Variants in WNT3 observed in about 807,000 individuals in gnomAD.
WNT3 encodes the protein proto-oncogene Wnt-3.
In WNT3, 7 loss-of-function variants were observed where a neutral mutation model predicts 34.2. The observed-to-expected ratio is 0.20, with a 90% CI of 0.12 to 0.38. The LOEUF (loss-of-function observed/expected upper bound fraction) is 0.38, where lower values mean the gene tolerates loss of function less well. WNT3 is among the 10% of genes least tolerant of loss of function. WNT3 has a pLI of 1.00. For missense variants in WNT3, 267 were observed against 499.8 expected, an observed-to-expected ratio of 0.53 and a Z score of 4.44; for synonymous variants, 212 against 211.5, an observed-to-expected ratio of 1.00 and a Z score of -0.02.
intron 1 of WNT3, among the ~76,000 whole-genome samples, chr17:46,804,124 G>A (rs186526714): frequency 9.2e-5 from 14 of 152,068 alleles, no homozygotes; most frequent in African/African-American, 3.1e-4. Context: ...GTCTCACTCT[G>A]TTGCCCAGGC....
At chr17:46,798,287 C>A (rs2146437530) in intron 1 of WNT3, among the ~76,000 whole-genome samples, 1 of 152,262 alleles carries the variant, frequency 6.6e-6, no homozygotes, top group East Asian at 1.9e-4. Context: ...GTGGTCACAT[C>A]TAGAGGGAGA....
intron 4 of WNT3, among the ~76,000 whole-genome samples, chr17:46,766,069 C>A (rs1380083796): frequency 5.9e-5 from 9 of 152,232 alleles, no homozygotes; most frequent in Admixed American, 2.6e-4. Context: ...GGAAAAAAAA[C>A]ACTCATTGTC....
intron 1 of WNT3, among the ~76,000 whole-genome samples, chr17:46,782,997 A>C: frequency 6.6e-6 from 1 of 152,178 alleles, no homozygotes; most frequent in East Asian, 1.9e-4. Context: ...AAGGTGCCTC[A>C]GGGGGTGCCT....
chr17:46,811,725 C>A (rs868868924), intron 1 of WNT3, among the ~76,000 whole-genome samples: 1 of 152,126 alleles, frequency 6.6e-6, no homozygotes, highest in South Asian at 2.1e-4. Context: ...GAGGCCGAGG[C>A]GGGTGGATTA....
At chr17:46,778,779 C>T (rs1156948074) in intron 1 of WNT3, among the ~76,000 whole-genome samples, 1 of 151,950 alleles carries the variant, frequency 6.6e-6, no homozygotes, top group Non-Finnish European at 1.5e-5. Context: ...GCCCTCGGCT[C>T]GAAGCACCTC....
At chr17:46,774,284 C>G (rs900742709) in intron 1 of WNT3, among the ~76,000 whole-genome samples, 4 of 152,270 alleles carry the variant, frequency 2.6e-5, no homozygotes, top group African/African-American at 9.6e-5. Flanking sequence ...AGAGATCAGG[C>G]TGGGCAATTT....
chr17:46,814,762 C>T (rs2084319814), intron 1 of WNT3, among the ~76,000 whole-genome samples: 1 of 152,224 alleles, frequency 6.6e-6, no homozygotes, highest in Non-Finnish European at 1.5e-5. Flanking sequence ...CCACTGACCC[C>T]CACGGGGTTT....
chr17:46,788,836 C>T (rs960046727), intron 1 of WNT3, among the ~76,000 whole-genome samples: 1 of 152,210 alleles, frequency 6.6e-6, no homozygotes, highest in Non-Finnish European at 1.5e-5. Flanking sequence ...CCAGATCCCA[C>T]AGGCTGTCTC....
intron 1 of WNT3, among the ~76,000 whole-genome samples, chr17:46,802,269 TTTTA>T (rs901562522): frequency 6.6e-6 from 1 of 152,130 alleles, no homozygotes; most frequent in Non-Finnish European, 1.5e-5. Flanking sequence ...CTTTCTTTTC[TTTTA>T]TTTATTTATT....
chr17:46,816,310 C>T (rs2084345648), intron 1 of WNT3, among the ~76,000 whole-genome samples: 1 of 152,158 alleles, frequency 6.6e-6, no homozygotes, highest in Admixed American at 6.5e-5. Flanking sequence ...TGCTCACACT[C>T]GTGTGCAGAC....
At chr17:46,788,738 T>C (rs1598775662) in intron 1 of WNT3, among the ~76,000 whole-genome samples, 1 of 147,338 alleles carries the variant, frequency 6.8e-6, no homozygotes, top group East Asian at 2.0e-4. Context: ...GCAGTGGCCC[T>C]GCGAGGACCT....
chr17:46,772,499 G>T (rs963781349), intron 2 of WNT3, among the ~76,000 whole-genome samples: 8 of 152,354 alleles, frequency 5.3e-5, no homozygotes, highest in Middle Eastern at 3.4e-3. Flanking sequence ...ACCGGAAAGC[G>T]CTGAGACCAA....
At chr17:46,766,652 A>T (rs2059315961) in intron 4 of WNT3, among the ~76,000 whole-genome samples, 1 of 152,118 alleles carries the variant, frequency 6.6e-6, no homozygotes, top group South Asian at 2.1e-4. Context: ...AGATGGGCTG[A>T]GTGAGTCGCC....
At chr17:46,801,081 C>T (rs2084119156) in intron 1 of WNT3, among the ~76,000 whole-genome samples, 1 of 152,206 alleles carries the variant, frequency 6.6e-6, no homozygotes, top group African/African-American at 2.4e-5. Flanking sequence ...TATATCCTTT[C>T]ATCCTCACAA....
chr17:46,796,776 C>T (rs1314627775), intron 1 of WNT3, among the ~76,000 whole-genome samples: 1 of 152,198 alleles, frequency 6.6e-6, no homozygotes, highest in East Asian at 1.9e-4. Flanking sequence ...AGAGGGGGCT[C>T]AGCTGGATGG....
intron 1 of WNT3, among the ~76,000 whole-genome samples, chr17:46,787,233 G>A (rs1018986520): frequency 1.3e-4 from 19 of 147,180 alleles, no homozygotes; most frequent in Admixed American, 4.2e-4. Flanking sequence ...GAGCCAGCGT[G>A]CCCAGCCAAT....
chr17:46,767,370 T>A (rs923283774), intron 4 of WNT3, among the ~76,000 whole-genome samples: 1 of 152,190 alleles, frequency 6.6e-6, no homozygotes, highest in Non-Finnish European at 1.5e-5. Flanking sequence ...TGTCAGGATA[T>A]GGGCTTATAT....
chr17:46,767,271 C>T lies in WNT3; in HGVS notation c.*8+1041G>A, dbSNP rs535281357. Among the ~76,000 whole-genome samples the T allele has an allele frequency of 3.3e-5, 5 of 152,258 alleles. No individual in the cohort carries two copies. In the South Asian group the frequency reaches 1.0e-3, roughly 32 times the overall value. ...CCTTTGATCCCTCGATTACTCATCC[C>T]AGCCACTCTGAACTTGAATCCCTCC... On this transcript the variant is annotated intron_variant, in intron 4 of 4. Coordinates refer to ENST00000225512, the MANE Select transcript of WNT3 (RefSeq NM_030753.5).
At chr17:46,795,853 CTCTG>C (rs1287326413) in intron 1 of WNT3, among the ~76,000 whole-genome samples, 1 of 152,208 alleles carries the variant, frequency 6.6e-6, no homozygotes, top group Non-Finnish European at 1.5e-5. Context: ...CTCTGTCTCT[CTCTG>C]TCTCTGTCTC....
Sources: gnomAD v4.1 joint callset for allele counts (sites outside exome capture counted in the v4.1 genomes callset) on GRCh38, gnomAD v4.1.1 for gene constraint, MANE v1.5 for transcripts, NCBI Gene and HGNC (gene_info 2026-07-23, HGNC 2026-07-21) for gene names.